The following MX2 variants were observed in gnomAD, a reference collection of about 807,000 sequenced individuals.
MX2 encodes interferon-induced GTP-binding protein Mx2.
A neutral mutation model predicts 74.0 loss-of-function variants in MX2; 51 were observed. The observed-to-expected ratio is 0.69, with a 90% CI of 0.55 to 0.87. The LOEUF is 0.87. Among genes scored for constraint, MX2 ranks in the 40% least tolerant of loss-of-function variants. The probability of loss-of-function intolerance (pLI) is 0.00; values close to 1 mark genes in which losing one functional copy is unlikely to be tolerated. For synonymous variants in MX2, 369 were observed against 339.3 expected (o/e 1.09, Z -0.96); for missense variants, 832 against 908.7 (o/e 0.92, Z 1.09).
At chr21:41,369,971 T>C (rs980060356) in intron 1 of MX2, among the ~76,000 whole-genome samples, 2 of 152,128 alleles carry the variant, frequency 1.3e-5, no homozygotes, top group Admixed American at 6.5e-5. Context: ...CAAGCTCTGC[T>C]CTCTACTTTG....
At chr21:41,375,043 G>C (rs541867794) in intron 1 of MX2, among the ~76,000 whole-genome samples, 1 of 152,268 alleles carries the variant, frequency 6.6e-6, no homozygotes, top group African/African-American at 2.4e-5. Context: ...TCCGACCTCA[G>C]GACCTTTGCA....
At chr21:41,401,367 A>T (rs1013216989) in intron 10 of MX2, 11 of 152,216 alleles carry the variant, frequency 7.2e-5, no homozygotes, top group Non-Finnish European at 1.3e-4. Flanking sequence ...TATGCTTGGG[A>T]GGTAAGGGGT....
At chr21:41,377,633 G>C (rs1357012610) in intron 2 of MX2, among the ~76,000 whole-genome samples, 156 bp from the exon 3 acceptor site, 1 of 152,124 alleles carries the variant, frequency 6.6e-6, no homozygotes, top group Non-Finnish European at 1.5e-5. Context: ...AGAACAGAAG[G>C]GCCCCTGAAA....
chr21:41,378,580 G>A (rs1205192878), intron 3 of MX2, among the ~76,000 whole-genome samples: 1 of 152,344 alleles, frequency 6.6e-6, no homozygotes, highest in African/African-American at 2.4e-5. Flanking sequence ...TTAGGATCAT[G>A]ATATGAGACA....
chr21:41,377,696 ACAT>A (rs749446128), intron 2 of MX2, 90 bp from the exon 3 acceptor site: 14 of 1,373,692 alleles, frequency 1.0e-5, no homozygotes, highest in Non-Finnish European at 1.4e-5. Context: ...ACCCAACCTA[ACAT>A]CATAGCCGCA....
Position 41,376,835 on chromosome 21 carries a change from G to C in MX2, c.-71-1G>C. On this transcript the variant is annotated splice_acceptor_variant, in intron 1 of 13. Coordinates refer to ENST00000330714, the MANE Select transcript of MX2 (RefSeq NM_002463.2). LOFTEE classifies it low-confidence loss of function (5UTR_SPLICE). ...CCGCTCTCCCTCTTGTGTCTTTGCA[G>C]AGCTTGTCAGGAAGATCGGAGGTGC... 1 of 1,583,484 alleles carries C rather than the reference G, an allele frequency of 6.3e-7. No individual in the cohort carries two copies. The highest frequency in any genetic ancestry group is 2.2e-5 in the East Asian group (1 of 44,614).
Position 41,377,059 on chromosome 21 carries a change from G to A in MX2, c.153G>A (p.Gly51=), listed in dbSNP as rs1409293720. ...PQMMFPPNWQ[G]AEKDAAFLAK... is the part of the protein sequence containing the mutation. Reference sequence around the variant, plus strand: ...TGATGTTTCCTCCAAACTGGCAGGGGGCAGAGAAGGACGCTGCTTTCCTCG... The same window carrying A: ...TGATGTTTCCTCCAAACTGGCAGGGAGCAGAGAAGGACGCTGCTTTCCTCG... The change falls in exon 2 of 14, where the codon GGG becomes GGA. Residue 51 remains glycine (G), a synonymous_variant. Coordinates refer to ENST00000330714, the MANE Select transcript of MX2 (RefSeq NM_002463.2). The A allele has an allele frequency of 6.2e-7, 1 of 1,614,094 alleles. No homozygotes were observed. Among genetic ancestry groups the A allele is most frequent in the African/African-American group, 1.3e-5 (1 of 74,926 alleles).
intron 6 of MX2, among the ~76,000 whole-genome samples, chr21:41,393,110 C>CAAAAAAAAAAAAAAAAAAAA (rs373955778): frequency 1.0e-4 from 6 of 60,086 alleles, no homozygotes; most frequent in African/African-American, 2.0e-4. Flanking sequence ...CTCAAAAAAG[C>CAAAAAAAAAAAAAAAAAAAA]AAAAAAAAAA....
chr21:41,385,263 C>A (rs1328392177), intron 5 of MX2, among the ~76,000 whole-genome samples: 1 of 152,186 alleles, frequency 6.6e-6, no homozygotes, highest in Non-Finnish European at 1.5e-5. Flanking sequence ...TGCAACTTTT[C>A]CTTTTAGTTG....
chr21:41,374,325 G>A (rs2089369713), intron 1 of MX2, among the ~76,000 whole-genome samples: 1 of 152,244 alleles, frequency 6.6e-6, no homozygotes, highest in African/African-American at 2.4e-5. Context: ...CCTCATCTTA[G>A]GGAGATGGTG....
rs2145963420 is a variant in MX2 at position 41,402,021 on chromosome 21, G to C, written c.1466G>C (p.Gly489Ala). ...EVEKYEKQYR[G>A]KELLGFVNYK... The stretch of plus-strand genomic sequence containing the variant: ...GAAAAATATGAAAAGCAGTATCGAG[G>C]CAAGGAGCTTCTGGGATTTGTCAAC... The change falls in exon 11 of 14, where the codon GGC becomes GCC. Residue 489 changes from glycine (G) to alanine (A), a missense_variant. Physicochemically the swap from Gly to Ala is moderately conservative, Grantham distance 60 (BLOSUM62 0). Coordinates refer to ENST00000330714, the MANE Select transcript of MX2 (RefSeq NM_002463.2). The surrounding 1 kb of genome is among the most constrained non-coding windows in gnomAD (Gnocchi z 4.5). 6.2e-7 allele frequency: 1 copy of C among 1,614,120 alleles called. No homozygotes were observed. Among genetic ancestry groups the C allele is most frequent in the East Asian group, 2.2e-5 (1 of 44,874 alleles).
At position 41,409,268 on chromosome 21, in the gene MX2, GA is replaced by G. The variant is rs2089924242; in HGVS notation, c.*1036del. On this transcript the variant is annotated 3_prime_UTR_variant, in exon 14 of 14. Coordinates refer to ENST00000330714, the MANE Select transcript of MX2 (RefSeq NM_002463.2). ...ACACACACACACACACATACACAGA[GA>G]GAGAGAGAGAGAACTTCACACCAGT... The G allele has an allele frequency of 6.6e-6, 1 of 152,068 alleles. No individual in the cohort carries two copies. The allele number at this position is 152,068 out of a possible 1,614,324, so 9.4% of individuals were successfully genotyped here. A position where few individuals can be genotyped will look rare whatever the true frequency, so the allele number is the denominator to read the frequency against.
At chr21:41,403,678 A>T (rs772432393) in intron 12 of MX2, 1 of 537,202 alleles carries the variant, frequency 1.9e-6, no homozygotes, top group Non-Finnish European at 3.7e-6. Flanking sequence ...AGCATTGTTT[A>T]CTAGTCCTAC....
intron 6 of MX2, among the ~76,000 whole-genome samples, chr21:41,391,314 A>T (rs1254636413): frequency 2.0e-5 from 3 of 152,172 alleles, no homozygotes; most frequent in Non-Finnish European, 2.9e-5. Context: ...ACTTAGTACT[A>T]CTTTTTAATA....
chr21:41,372,625 G>T (rs927941838), intron 1 of MX2, among the ~76,000 whole-genome samples: 1 of 151,942 alleles, frequency 6.6e-6, no homozygotes, highest in African/African-American at 2.4e-5. Context: ...TACCTCCTTT[G>T]GATATTGGGT....
At chr21:41,381,684 C>CAAAAAA (rs57350601) in intron 4 of MX2, among the ~76,000 whole-genome samples, 4 of 58,450 alleles carry the variant, frequency 6.8e-5, no homozygotes, top group African/African-American at 1.1e-4. Context: ...GACTCTGTCT[C>CAAAAAA]AAAAAAAAAA....
At chr21:41,362,986 C>T (rs13046603) in intron 1 of MX2, among the ~76,000 whole-genome samples, 1 of 151,958 alleles carries the variant, frequency 6.6e-6, no homozygotes, top group South Asian at 2.1e-4. Flanking sequence ...CTCAAACTCA[C>T]TGGCTCAAGA....
intron 12 of MX2, chr21:41,403,969 G>T (rs1051783280): frequency 5.3e-5 from 13 of 243,012 alleles, no homozygotes; most frequent in Non-Finnish European, 6.6e-5. Context: ...TCCCAGTTCT[G>T]ACTCCCGCCC....
rs540281554 is a variant in MX2 at position 41,382,417 on chromosome 21, C to T, written c.585C>T (p.Asn195=). Residue 195 remains asparagine, a synonymous_variant, in exon 5 of 14, where the codon AAC becomes AAT. Coordinates refer to ENST00000330714, the MANE Select transcript of MX2 (RefSeq NM_002463.2). ...CCCTCCTGGCCTCCATAGCCCAGAACGTCATGGCCGGGAATGGCCGGGGCA... is the reference window on the plus strand; with the variant it reads ...CCCTCCTGGCCTCCATAGCCCAGAATGTCATGGCCGGGAATGGCCGGGGCA... ...QVEKEIHKAQ[N]VMAGNGRGIS... is the part of the protein sequence containing the mutation. 8.5e-5 allele frequency: 137 copies of T among 1,614,030 alleles called. 2 individuals are homozygous for T. The South Asian group carries it at 1.2e-3, about 14-fold the overall frequency.
Sources: allele counts gnomAD v4.1 joint callset (sites outside exome capture counted in the v4.1 genomes callset), GRCh38; gene constraint gnomAD v4.1.1; non-coding constraint Gnocchi (gnomAD v3.1); transcripts MANE v1.5; gene names NCBI Gene and HGNC (gene_info 2026-07-23, HGNC 2026-07-21).